AUTS2: variants seen among roughly 807,000 people sequenced by gnomAD.
AUTS2 encodes the protein activator of transcription and developmental regulator AUTS2.
Under a neutral mutation model 112.4 loss-of-function variants are expected in AUTS2, and 17 were observed. The observed-to-expected ratio is 0.15, with a 90% CI of 0.10 to 0.23. The LOEUF is 0.23. AUTS2 is among the 10% of genes least tolerant of loss of function. The pLI is 1.00. For missense variants in AUTS2, 1,510 were observed against 1,701.6 expected (o/e 0.89, Z 1.98); for synonymous variants, 751 against 702.7 (o/e 1.07, Z -1.09).
At chr7:70,739,397 C>T (rs1256009919) in intron 6 of AUTS2, among the ~76,000 whole-genome samples, 1 of 145,410 alleles carries the variant, frequency 6.9e-6, no homozygotes, top group Non-Finnish European at 1.5e-5. Context: ...CCAGGCCCCT[C>T]TCAAACTCCT....
intron 1 of AUTS2, among the ~76,000 whole-genome samples, chr7:69,697,597 T>C (rs908491840): frequency 3.9e-5 from 6 of 152,234 alleles, no homozygotes; most frequent in African/African-American, 1.4e-4. Context: ...ATGAATCTTC[T>C]GCAGCTTAGG....
intron 5 of AUTS2, among the ~76,000 whole-genome samples, chr7:70,568,507 G>C (rs1356902115): frequency 6.6e-6 from 1 of 152,148 alleles, no homozygotes; most frequent in South Asian, 2.1e-4. Flanking sequence ...TTTTACAGAA[G>C]AGCCAGGGCA....
intron 5 of AUTS2, among the ~76,000 whole-genome samples, chr7:70,532,869 A>G (rs541393454): frequency 8.6e-4 from 131 of 152,310 alleles, no homozygotes; most frequent in African/African-American, 3.0e-3. Flanking sequence ...TGAGGGTTCA[A>G]CTCAGTAATT....
chr7:70,171,903 T>G (rs201363955), intron 4 of AUTS2, among the ~76,000 whole-genome samples: 12,643 of 148,374 alleles, frequency 0.085, 557 homozygotes, highest in Middle Eastern at 0.19. Flanking sequence ...AGTTTTTTTT[T>G]TTGGGGGGGG....
At chr7:70,093,021 G>A (rs965271585) in intron 2 of AUTS2, among the ~76,000 whole-genome samples, 4 of 152,128 alleles carry the variant, frequency 2.6e-5, no homozygotes, top group Admixed American at 2.6e-4. Flanking sequence ...CTTTTACAGA[G>A]TCTTTGCTGC....
intron 5 of AUTS2, among the ~76,000 whole-genome samples, chr7:70,677,177 C>T (rs1228024882): frequency 5.3e-5 from 8 of 152,188 alleles, no homozygotes; most frequent in Non-Finnish European, 1.0e-4. Context: ...CTGTCTGTGA[C>T]TCCTTCCCCA....
chr7:70,787,792 G>A (rs1415059417), intron 18 of AUTS2, among the ~76,000 whole-genome samples: 5 of 152,168 alleles, frequency 3.3e-5, no homozygotes, highest in Admixed American at 2.6e-4. Flanking sequence ...TTTCAAGTCC[G>A]TGCAGTCCAT....
chr7:70,653,285 T>C (rs1806605948), intron 5 of AUTS2, among the ~76,000 whole-genome samples: 1 of 152,198 alleles, frequency 6.6e-6, no homozygotes, highest in African/African-American at 2.4e-5. Flanking sequence ...TTATATTTTC[T>C]CTTTGGAAAC....
chr7:70,197,261 C>CCACACACACA (rs10618080), intron 4 of AUTS2, among the ~76,000 whole-genome samples: 3 of 149,124 alleles, frequency 2.0e-5, no homozygotes, highest in South Asian at 2.1e-4. Flanking sequence ...AATTCTTAGT[C>CCACACACACA]CACACACACA....
At chr7:70,024,795 C>G (rs1782247699) in intron 2 of AUTS2, among the ~76,000 whole-genome samples, 1 of 152,100 alleles carries the variant, frequency 6.6e-6, no homozygotes, top group African/African-American at 2.4e-5. Flanking sequence ...CTTTGTGATA[C>G]CTTATTTTTG....
At chr7:69,771,674 A>G (rs1205531085) in intron 1 of AUTS2, among the ~76,000 whole-genome samples, 3 of 152,156 alleles carry the variant, frequency 2.0e-5, no homozygotes, top group East Asian at 1.9e-4. Flanking sequence ...AAGGCAGATT[A>G]CTGGGGCAGA....
At chr7:70,039,784 T>C (rs1027312342) in intron 2 of AUTS2, among the ~76,000 whole-genome samples, 2 of 152,212 alleles carry the variant, frequency 1.3e-5, no homozygotes, top group African/African-American at 4.8e-5. Context: ...ATGACAGTGA[T>C]ACGAGGGATA....
intron 2 of AUTS2, among the ~76,000 whole-genome samples, chr7:70,092,126 T>TA (rs1325660138): frequency 6.6e-6 from 1 of 152,066 alleles, no homozygotes; most frequent in Non-Finnish European, 1.5e-5. Context: ...AGATTATATT[T>TA]AAAAAACATA....
At chr7:70,448,493 C>T (rs1302193229) in intron 5 of AUTS2, among the ~76,000 whole-genome samples, 1 of 152,202 alleles carries the variant, frequency 6.6e-6, no homozygotes. Context: ...ATCTTCCCTG[C>T]TAGATTACCA....
In AUTS2 at chr7:70,781,689, C is replaced by T. The variant is rs1312996521; in HGVS notation, c.2079C>T (p.Pro693=). 6.2e-7 allele frequency: 1 copy of T among 1,614,102 alleles called. No individual in the cohort carries two copies. The highest frequency in any genetic ancestry group is 8.5e-7 in the Non-Finnish European group (1 of 1,180,038). The part of the protein sequence containing the change: ...KPEFLSRPPG[P]SLFGAIHHPH... ...AGTTCCTGAGCCGCCCTCCAGGCCC[C>T]AGTCTTTTTGGAGCCATCCACCACC... is the stretch of plus-strand genomic sequence containing the variant. Residue 693 remains proline (P), a synonymous_variant, in exon 15 of 19, where the codon CCC becomes CCT. Transcript: ENST00000342771.
At chr7:69,793,952 C>T (rs993750406) in intron 1 of AUTS2, among the ~76,000 whole-genome samples, 1 of 152,142 alleles carries the variant, frequency 6.6e-6, no homozygotes, top group Non-Finnish European at 1.5e-5. Flanking sequence ...AGAGTGATGG[C>T]TTAAGTTGGA....
At chr7:69,924,037 A>T (rs561562445) in intron 2 of AUTS2, among the ~76,000 whole-genome samples, 33 of 152,272 alleles carry the variant, frequency 2.2e-4, no homozygotes, top group African/African-American at 7.9e-4. Flanking sequence ...TTTAGGGGGA[A>T]AGACAGAATC....
At chr7:70,786,090 A>G (rs747866727) in intron 17 of AUTS2, 52 bp downstream of exon 17, 395 of 1,484,766 alleles carry the variant, frequency 2.7e-4, no homozygotes, top group Non-Finnish European at 3.3e-4. Context: ...ATCTCCTGTG[A>G]TCCGCATATG....
intron 5 of AUTS2, among the ~76,000 whole-genome samples, chr7:70,686,621 C>T (rs553957694): frequency 6.6e-6 from 1 of 152,156 alleles, no homozygotes; most frequent in South Asian, 2.1e-4. Flanking sequence ...ACTGCAACCT[C>T]CCGGGTTCAA....
Sources: gnomAD v4.1 joint callset for allele counts (sites outside exome capture counted in the v4.1 genomes callset) on GRCh38, gnomAD v4.1.1 for gene constraint, MANE v1.5 for transcripts, NCBI Gene and HGNC (gene_info 2026-07-23, HGNC 2026-07-21) for gene names.